Variants in ZFAND6 observed in about 807,000 individuals in gnomAD.
The protein encoded by ZFAND6 is AN1-type zinc finger protein 6.
In ZFAND6, 12 loss-of-function variants were observed where a neutral mutation model predicts 24.5. The ratio of observed to expected loss-of-function variants is 0.49; its 90% CI spans 0.31 to 0.79. The LOEUF is 0.79. Ranked by LOEUF, ZFAND6 falls within the 30% of genes least tolerant of loss-of-function variation. The pLI is 0.04. For missense variants in ZFAND6, 207 were observed against 245.9 expected, an observed-to-expected ratio of 0.84 and a Z score of 1.06; for synonymous variants, 92 against 81.5, an observed-to-expected ratio of 1.13 and a Z score of -0.69.
At chr15:80,086,528 G>A (rs1278086340) in intron 1 of ZFAND6, among the ~76,000 whole-genome samples, 1 of 151,994 alleles carries the variant, frequency 6.6e-6, no homozygotes, top group African/African-American at 2.4e-5. Flanking sequence ...ACCCATTATG[G>A]GTAACCAGTA....
At position 80,121,720 on chromosome 15, in the gene ZFAND6, G is replaced by C. The variant is rs548355551; in HGVS notation, c.163G>C (p.Val55Leu). The change falls in exon 4 of 7, where the codon GTC becomes CTC. Residue 55 changes from valine to leucine, a missense_variant. Coordinates refer to ENST00000261749, the MANE Select transcript of ZFAND6 (RefSeq NM_019006.4). The part of the protein sequence containing the change: ...NGRISPPATS[V>L]SSLSESLPVQ... Reference sequence around the variant, plus strand: ...ATGTGGTACTGTTACAGCAACCTCTGTCAGTAGTCTGTCTGAATCTTTACC... The same window carrying C: ...ATGTGGTACTGTTACAGCAACCTCTCTCAGTAGTCTGTCTGAATCTTTACC... 4 of 1,613,758 alleles carry C rather than the reference G, an allele frequency of 2.5e-6. No homozygotes were observed. The highest frequency in any genetic ancestry group is 2.2e-5 in the South Asian group (2 of 91,066).
intron 4 of ZFAND6, among the ~76,000 whole-genome samples, chr15:80,122,456 A>G (rs922635502): frequency 6.6e-6 from 1 of 152,158 alleles, no homozygotes; most frequent in Non-Finnish European, 1.5e-5. Flanking sequence ...TAGTGAATTC[A>G]TGTGGTACTT....
At chr15:80,066,466 C>T (rs1286260982) in intron 1 of ZFAND6, among the ~76,000 whole-genome samples, 1 of 152,008 alleles carries the variant, frequency 6.6e-6, no homozygotes, top group Non-Finnish European at 1.5e-5. Context: ...GCATGCGCCA[C>T]CATGCCCAGC....
intron 1 of ZFAND6, among the ~76,000 whole-genome samples, chr15:80,072,946 A>C (rs2037060006): frequency 6.6e-6 from 1 of 151,990 alleles, no homozygotes; most frequent in African/African-American, 2.4e-5. Context: ...TTGAACAGTC[A>C]GTTGTCAGTT....
chr15:80,089,749 C>CT (rs1000694301), intron 1 of ZFAND6, among the ~76,000 whole-genome samples: 12 of 152,140 alleles, frequency 7.9e-5, no homozygotes, highest in African/African-American at 2.9e-4. Context: ...TTTTAGCCTA[C>CT]TTGAGCCCTG....
chr15:80,125,711 A>T (rs913999343), intron 5 of ZFAND6, among the ~76,000 whole-genome samples: 2 of 152,214 alleles, frequency 1.3e-5, no homozygotes. Context: ...ATTTTGGTAC[A>T]CTCTAAAACT....
intron 1 of ZFAND6, among the ~76,000 whole-genome samples, chr15:80,096,171 G>A (rs1430643532): frequency 6.6e-6 from 1 of 152,162 alleles, no homozygotes; most frequent in East Asian, 1.9e-4. Context: ...GGTAATAATA[G>A]CACCTGACTT....
chr15:80,060,833 A>C (rs996566791), intron 1 of ZFAND6: 15 of 152,318 alleles, frequency 9.8e-5, no homozygotes, highest in African/African-American at 3.6e-4. Context: ...AGGCAGGAGC[A>C]TCGCTTGAAC....
chr15:80,112,561 C>T (rs2039662993), intron 2 of ZFAND6, among the ~76,000 whole-genome samples: 1 of 152,074 alleles, frequency 6.6e-6, no homozygotes, highest in South Asian at 2.1e-4. Context: ...CCACGCCCAG[C>T]TGATTTTTGT....
At chr15:80,060,403 C>CTT in intron 1 of ZFAND6, 1 of 152,096 alleles carries the variant, frequency 6.6e-6, no homozygotes, top group Admixed American at 6.5e-5. Flanking sequence ...TTTTTGTCTG[C>CTT]TTTTTTGAAA....
At position 80,138,172 on chromosome 15, in the gene ZFAND6, T is replaced by C. The variant is rs1366140025; in HGVS notation, c.*544T>C. 6.6e-6 allele frequency: 1 copy of C among 152,644 alleles called. No individual in the cohort carries two copies. The highest frequency in any genetic ancestry group is 1.5e-5 in the Non-Finnish European group (1 of 68,034). 9.5% of individuals were successfully genotyped at this position (152,644 alleles called of 1,614,324 possible). ...GTCTGAATCATTTGTCACAAGAGAG[T>C]GTGTGCTGATGAGATTGTAAGTTTG... On this transcript the variant is annotated 3_prime_UTR_variant, in exon 7 of 7. Transcript: ENST00000261749.
intron 2 of ZFAND6, among the ~76,000 whole-genome samples, chr15:80,099,647 TCAC>T: frequency 9.5e-6 from 1 of 104,840 alleles, no homozygotes. Context: ...AGACGGAGTC[TCAC>T]TCTGTCGCCC....
At chr15:80,088,208 G>A (rs1428338988) in intron 1 of ZFAND6, among the ~76,000 whole-genome samples, 1 of 151,894 alleles carries the variant, frequency 6.6e-6, no homozygotes, top group Non-Finnish European at 1.5e-5. Flanking sequence ...GCTTGGACTT[G>A]TCCATCCTTT....
At chr15:80,092,853 AAATACTTTT>A (rs1280143423) in intron 1 of ZFAND6, among the ~76,000 whole-genome samples, 6 of 152,156 alleles carry the variant, frequency 3.9e-5, no homozygotes, top group Admixed American at 6.5e-5. Context: ...AATTATATTA[AAATACTTTT>A]ATATTTAGCT....
chr15:80,069,345 G>C (rs2036842026), intron 1 of ZFAND6, among the ~76,000 whole-genome samples: 1 of 152,114 alleles, frequency 6.6e-6, no homozygotes, highest in Non-Finnish European at 1.5e-5. Context: ...ATTAATCAGT[G>C]ACCTTGTTTA....
At chr15:80,068,030 C>T (rs1394192389) in intron 1 of ZFAND6, among the ~76,000 whole-genome samples, 2 of 151,050 alleles carry the variant, frequency 1.3e-5, no homozygotes, top group East Asian at 2.0e-4. Context: ...GGCACAATCT[C>T]GGCTCACTGC....
At chr15:80,125,630 T>C (rs2040341312) in intron 5 of ZFAND6, among the ~76,000 whole-genome samples, 3 of 152,226 alleles carry the variant, frequency 2.0e-5, no homozygotes, top group Non-Finnish European at 4.4e-5. Context: ...CTTACTTACA[T>C]AGTGTCACTC....
intron 1 of ZFAND6, among the ~76,000 whole-genome samples, chr15:80,079,099 G>T (rs1418178746): frequency 6.8e-6 from 1 of 146,748 alleles, no homozygotes; most frequent in African/African-American, 2.5e-5. Flanking sequence ...GTGTTCTTTT[G>T]CTCGTTTTTT....
At chr15:80,090,989 T>C (rs985537722) in intron 1 of ZFAND6, among the ~76,000 whole-genome samples, 2 of 152,216 alleles carry the variant, frequency 1.3e-5, no homozygotes, top group African/African-American at 4.8e-5. Flanking sequence ...TTTATGTTTT[T>C]CTACTGAAAT....
Sources: allele counts gnomAD v4.1 joint callset (sites outside exome capture counted in the v4.1 genomes callset), GRCh38; gene constraint gnomAD v4.1.1; transcripts MANE v1.5; gene names NCBI Gene and HGNC (gene_info 2026-07-23, HGNC 2026-07-21).